The following PPP1R12B variants were observed in gnomAD, a reference collection of about 807,000 sequenced individuals.
The protein encoded by PPP1R12B is protein phosphatase 1 regulatory subunit 12B.
A neutral mutation model predicts 126.1 loss-of-function variants in PPP1R12B; 76 were observed. The observed-to-expected ratio is 0.60, with a 90% CI of 0.50 to 0.73. The LOEUF (loss-of-function observed/expected upper bound fraction) is 0.73, where lower values mean the gene tolerates loss of function less well. Ranked by LOEUF, PPP1R12B falls within the 30% of genes least tolerant of loss-of-function variation. The probability of loss-of-function intolerance (pLI) is 0.00; values close to 1 mark genes in which losing one functional copy is unlikely to be tolerated. For missense variants in PPP1R12B, 1,052 were observed against 1,205.1 expected (o/e 0.87, Z 1.88); for synonymous variants, 356 against 434.7 (o/e 0.82, Z 2.25).
chr1:202,369,469 A>C (rs1237169040), intron 1 of PPP1R12B: 1 of 152,598 alleles, frequency 6.6e-6, no homozygotes, highest in Non-Finnish European at 1.5e-5. Context: ...TTGAATTCTG[A>C]TGTATATTAG....
rs79473587 is a variant in PPP1R12B at position 202,507,606 on chromosome 1, A to G, written c.2490+10784A>G. Among the ~76,000 whole-genome samples the G allele has an allele frequency of 3.9e-3, 591 of 152,308 alleles. 2 individuals are homozygous for G. Among genetic ancestry groups the G allele is most frequent in the Non-Finnish European group, 5.9e-3 (398 of 68,020 alleles). On this transcript the variant is annotated intron_variant, in intron 18 of 23. Coordinates refer to ENST00000608999, the MANE Select transcript of PPP1R12B (RefSeq NM_002481.4). The stretch of plus-strand genomic sequence containing the variant: ...TTTTTCTTTTTAAAAAACGTATTCA[A>G]AACCAACTAATGACATTCTTTAGAA...
At chr1:202,567,947 C>A in intron 22 of PPP1R12B, 116 bp downstream of exon 22, 2 of 1,213,006 alleles carry the variant, frequency 1.6e-6, no homozygotes, top group East Asian at 2.5e-5. Flanking sequence ...GGAGTTCTGC[C>A]ACATTCCATT....
chr1:202,469,151 AG>A (rs1387319911), intron 13 of PPP1R12B, among the ~76,000 whole-genome samples: 1 of 152,220 alleles, frequency 6.6e-6, no homozygotes, highest in Non-Finnish European at 1.5e-5. Context: ...AATAAAGGGT[AG>A]GCACAATGCT....
At chr1:202,481,141 A>G (rs1677305777) in intron 13 of PPP1R12B, among the ~76,000 whole-genome samples, 1 of 152,228 alleles carries the variant, frequency 6.6e-6, no homozygotes, top group Non-Finnish European at 1.5e-5. Flanking sequence ...CTGATCTGAC[A>G]GAGGGCAGAG....
At chr1:202,405,892 G>A (rs1558185634) in intron 1 of PPP1R12B, among the ~76,000 whole-genome samples, 1 of 152,126 alleles carries the variant, frequency 6.6e-6, no homozygotes, top group Non-Finnish European at 1.5e-5. Flanking sequence ...TATATAAAAC[G>A]CTTGATGAAA....
At chr1:202,523,810 G>C (rs1414913970) in intron 18 of PPP1R12B, among the ~76,000 whole-genome samples, 1 of 152,136 alleles carries the variant, frequency 6.6e-6, no homozygotes, top group African/African-American at 2.4e-5. Flanking sequence ...CATCTCCCAG[G>C]TTCAAGCGAT....
At chr1:202,374,982 G>T (rs1452059976) in intron 1 of PPP1R12B, among the ~76,000 whole-genome samples, 2 of 151,710 alleles carry the variant, frequency 1.3e-5, no homozygotes, top group East Asian at 1.9e-4. Context: ...TCGTTCTGTC[G>T]CCCAGGCCGA....
In PPP1R12B at chr1:202,374,973, C is replaced by T. The variant is rs1315947285; in HGVS notation, c.291+25831C>T. On this transcript the variant is annotated intron_variant, in intron 1 of 23. Coordinates refer to ENST00000608999, the MANE Select transcript of PPP1R12B (RefSeq NM_002481.4). ...TTCTTTTTTTCTTTAGACAGAGGCTCGTTCTGTCGCCCAGGCCGAAGTGAG... is the reference window on the plus strand; with the variant it reads ...TTCTTTTTTTCTTTAGACAGAGGCTTGTTCTGTCGCCCAGGCCGAAGTGAG... Among the ~76,000 whole-genome samples the T allele has an allele frequency of 4.6e-5, 7 of 152,258 alleles. No individual in the cohort carries two copies. The East Asian group carries it at 9.6e-4, about 21-fold the overall frequency.
intron 13 of PPP1R12B, among the ~76,000 whole-genome samples, chr1:202,481,510 A>AT (rs912877392): frequency 2.7e-5 from 4 of 150,646 alleles, no homozygotes; most frequent in African/African-American, 9.7e-5. Flanking sequence ...CACTCTTCTA[A>AT]TTTTTTGTTT....
At chr1:202,567,555 C>T in intron 21 of PPP1R12B, 1 of 538,062 alleles carries the variant, frequency 1.9e-6, no homozygotes, top group Non-Finnish European at 3.3e-6. Context: ...AATACTACTA[C>T]TGCCTTCCCC....
chr1:202,540,028 C>T, intron 18 of PPP1R12B: 1 of 1,386,920 alleles, frequency 7.2e-7, no homozygotes, highest in African/African-American at 1.5e-5. Context: ...TATCCAAAGT[C>T]ATCTTGCATC....
intron 1 of PPP1R12B, among the ~76,000 whole-genome samples, chr1:202,399,184 T>C (rs1665437715): frequency 6.6e-6 from 1 of 152,158 alleles, no homozygotes; most frequent in Non-Finnish European, 1.5e-5. Context: ...TTAGAAATTA[T>C]TTTCATATTT....
chr1:202,401,143 G>A (rs192299787), intron 1 of PPP1R12B, among the ~76,000 whole-genome samples: 1 of 152,134 alleles, frequency 6.6e-6, no homozygotes, highest in African/African-American at 2.4e-5. Flanking sequence ...ATGTTTGCAA[G>A]AGACTATGAT....
chr1:202,576,086 TG>T (rs1689067584), intron 23 of PPP1R12B: 1 of 152,336 alleles, frequency 6.6e-6, no homozygotes, highest in Non-Finnish European at 1.5e-5. Flanking sequence ...CCTTAGTGTG[TG>T]GGCTGTGAGG....
chr1:202,367,613 C>T (rs982680144), intron 1 of PPP1R12B, among the ~76,000 whole-genome samples: 4 of 152,192 alleles, frequency 2.6e-5, no homozygotes, highest in African/African-American at 4.8e-5. Flanking sequence ...GCTATTCCAT[C>T]AGCTACACAC....
chr1:202,566,821 G>A (rs1688094180), intron 21 of PPP1R12B, among the ~76,000 whole-genome samples: 1 of 151,898 alleles, frequency 6.6e-6, no homozygotes, highest in African/African-American at 2.4e-5. Context: ...TTTAAAAAAA[G>A]AAACTGCTGC....
In PPP1R12B at chr1:202,431,561, C is replaced by A; in HGVS notation, c.1083C>A (p.Ser361Arg). The change falls in exon 8 of 24, where the codon AGC becomes AGA. Residue 361 changes from serine to arginine, a missense_variant. Coordinates refer to ENST00000608999, the MANE Select transcript of PPP1R12B (RefSeq NM_002481.4). ...AAAATAAAGAATCTAGTAGCTCCAGCTCAGAGGAGGAGGAAGGTGAAGATG... is the reference window on the plus strand; with the variant it reads ...AAAATAAAGAATCTAGTAGCTCCAGATCAGAGGAGGAGGAAGGTGAAGATG... ...EEENKESSSSSSEEEEGEDEA... is the reference protein window; with the variant it reads ...EEENKESSSSRSEEEEGEDEA... The A allele has an allele frequency of 2.5e-6, 4 of 1,613,308 alleles. No homozygotes were observed. The highest frequency in any genetic ancestry group is 3.4e-6 in the Non-Finnish European group (4 of 1,179,714).
intron 5 of PPP1R12B, among the ~76,000 whole-genome samples, chr1:202,427,971 ATTT>A (rs34421611): frequency 6.9e-6 from 1 of 144,256 alleles, no homozygotes. Flanking sequence ...AATTAAACTA[ATTT>A]TTTTTTTTTT....
intron 13 of PPP1R12B, among the ~76,000 whole-genome samples, chr1:202,473,369 G>T (rs1676187849): frequency 1.3e-5 from 2 of 152,170 alleles, no homozygotes; most frequent in African/African-American, 4.8e-5. Context: ...ATTTGTTCCT[G>T]CATTTCTGTG....
Sources: gnomAD v4.1 joint callset for allele counts (sites outside exome capture counted in the v4.1 genomes callset) on GRCh38, gnomAD v4.1.1 for gene constraint, MANE v1.5 for transcripts, NCBI Gene and HGNC (gene_info 2026-07-23, HGNC 2026-07-21) for gene names.